The following NBEA variants were observed in gnomAD, a reference collection of about 807,000 sequenced individuals.
NBEA encodes neurobeachin, also known as lysosomal-trafficking regulator 2.
In NBEA, 44 loss-of-function variants were observed where a neutral mutation model predicts 343.4. The ratio of observed to expected loss-of-function variants is 0.13; its 90% CI spans 0.10 to 0.16. The LOEUF (loss-of-function observed/expected upper bound fraction) is 0.16, where lower values mean the gene tolerates loss of function less well. Ranked by LOEUF, NBEA falls within the 10% of genes least tolerant of loss-of-function variation. The pLI is 1.00. For synonymous variants in NBEA, 1,175 were observed against 1,238.7 expected, an observed-to-expected ratio of 0.95 and a Z score of 1.08; for missense variants, 2,555 against 3,631.3, an observed-to-expected ratio of 0.70 and a Z score of 7.62.
intron 41 of NBEA, among the ~76,000 whole-genome samples, chr13:35,530,809 T>C (rs2078226154): frequency 6.6e-6 from 1 of 152,220 alleles, no homozygotes; most frequent in African/African-American, 2.4e-5. Context: ...TAAGAGTTTT[T>C]TTAGTGCCAG....
chr13:35,380,416 G>T (rs1373579108), intron 38 of NBEA, among the ~76,000 whole-genome samples: 2 of 152,052 alleles, frequency 1.3e-5, no homozygotes, highest in Non-Finnish European at 1.5e-5. Context: ...CTGCACTCCA[G>T]CCTGGGCAAG....
chr13:35,289,824 A>G (rs777449097), intron 34 of NBEA, among the ~76,000 whole-genome samples: 3 of 151,824 alleles, frequency 2.0e-5, no homozygotes, highest in African/African-American at 7.2e-5. Flanking sequence ...AGATTGGAGT[A>G]TAACGGTGAA....
chr13:35,230,404 A>T (rs561732814), intron 33 of NBEA, among the ~76,000 whole-genome samples: 1 of 152,264 alleles, frequency 6.6e-6, no homozygotes, highest in South Asian at 2.1e-4. Context: ...AGTACATTAA[A>T]TCCAATAGCT....
rs2069409194 is a variant in NBEA at position 35,159,551 on chromosome 13, G to A, written c.3380G>A (p.Gly1127Asp). 6.2e-7 allele frequency: 1 copy of A among 1,612,442 alleles called. No individual in the cohort carries two copies. Among genetic ancestry groups the A allele is most frequent in the Non-Finnish European group, 8.5e-7 (1 of 1,179,450 alleles). The change falls in exon 22 of 59, where the codon GGT (glycine) becomes GAT (aspartate). Residue 1127 changes from glycine to aspartate, a missense_variant. Gly to Asp is a moderately conservative substitution (Grantham distance 94, BLOSUM62 -1). Around this residue, in one of 21 missense-constraint regions of NBEA, gnomAD observed 367 missense variants for 377.5 expected, o/e 0.97. Transcript: ENST00000379939. ...IIKKNEEKDNGPLITLADEKE... is the reference protein window; with the variant it reads ...IIKKNEEKDNDPLITLADEKE... ...AAAAAAAATGAAGAAAAGGATAATG[G>A]TCCATTGATAACATTAGCAGATGAG...
At chr13:35,583,215 A>G (rs1002340909) in intron 45 of NBEA, among the ~76,000 whole-genome samples, 34 of 152,228 alleles carry the variant, frequency 2.2e-4, no homozygotes, top group African/African-American at 8.2e-4. Context: ...AATTAAGCAC[A>G]TGCTTTTTGA....
intron 38 of NBEA, among the ~76,000 whole-genome samples, chr13:35,413,598 A>G (rs948996240): frequency 1.3e-5 from 2 of 152,126 alleles, no homozygotes; most frequent in South Asian, 2.1e-4. Flanking sequence ...TATTGAGGAA[A>G]CTATGAGTAC....
At chr13:35,322,876 G>A (rs577785313) in intron 36 of NBEA, among the ~76,000 whole-genome samples, 1 of 152,174 alleles carries the variant, frequency 6.6e-6, no homozygotes, top group Admixed American at 6.5e-5. Flanking sequence ...TTGAGACAGG[G>A]TCTCACTCTG....
chr13:35,476,215 G>A (rs1490818132), intron 41 of NBEA: 1 of 1,604,816 alleles, frequency 6.2e-7, no homozygotes, highest in African/African-American at 1.3e-5. Context: ...TAGAGCTGGA[G>A]CCAACTTCGG....
intron 1 of NBEA, among the ~76,000 whole-genome samples, chr13:35,001,437 A>G (rs1206035498): frequency 6.6e-6 from 1 of 152,182 alleles, no homozygotes; most frequent in Non-Finnish European, 1.5e-5. Context: ...CCATCAGCAG[A>G]TGAATGGATA....
At chr13:35,265,980 T>C (rs955179778) in intron 34 of NBEA, among the ~76,000 whole-genome samples, 3 of 151,876 alleles carry the variant, frequency 2.0e-5, no homozygotes, top group African/African-American at 7.2e-5. Context: ...ATCCAAAATA[T>C]ATAAGTAACT....
chr13:35,325,668 A>G (rs890729386), intron 36 of NBEA, among the ~76,000 whole-genome samples: 1 of 152,072 alleles, frequency 6.6e-6, no homozygotes, highest in South Asian at 2.1e-4. Context: ...AAAGGTAATG[A>G]TTCTCCAAAA....
chr13:35,203,290 C>T (rs2073144406), intron 31 of NBEA, among the ~76,000 whole-genome samples: 1 of 152,142 alleles, frequency 6.6e-6, no homozygotes, highest in Non-Finnish European at 1.5e-5. Flanking sequence ...CCAGTATTCT[C>T]TTGTCACACT....
chr13:35,076,517 A>G (rs2064125428), intron 10 of NBEA, among the ~76,000 whole-genome samples: 1 of 152,034 alleles, frequency 6.6e-6, no homozygotes. Flanking sequence ...AGCGACAGCC[A>G]CTTTCAATGC....
chr13:35,155,789 G>A lies in NBEA; in HGVS notation c.2461G>A (p.Val821Ile). ...CATTTTTCAGATCTTGACAGAACAA[G>A]TATGTACTCAGGTCGTACACAAACC... ...NTLYEILTEQ[V>I]CTQVVHKPHP... Residue 821 changes from valine to isoleucine, a missense_variant, in exon 19 of 59, where the codon GTA (valine) becomes ATA (isoleucine). This residue lies in a region of NBEA where 360 missense variants were observed against 519.1 expected (regional missense o/e 0.69). Coordinates refer to ENST00000379939, the MANE Select transcript of NBEA (RefSeq NM_001385012.1). 1.2e-6 allele frequency: 2 copies of A among 1,608,544 alleles called. No individual in the cohort carries two copies. The highest frequency in any genetic ancestry group is 1.7e-6 in the Non-Finnish European group (2 of 1,175,162).
chr13:35,477,013 C>T (rs777808338), intron 41 of NBEA: 3 of 172,766 alleles, frequency 1.7e-5, no homozygotes, highest in Non-Finnish European at 4.1e-5. Flanking sequence ...AATGCAAATA[C>T]AGGTGTATTA....
intron 41 of NBEA, among the ~76,000 whole-genome samples, chr13:35,544,184 C>T (rs149509861): frequency 0.018 from 2,780 of 152,194 alleles, 26 homozygotes; most frequent in South Asian, 0.051. Context: ...GGATTGAACG[C>T]GACAACCTTA....
chr13:35,617,707 C>A (rs527432795), intron 48 of NBEA, among the ~76,000 whole-genome samples: 1 of 152,164 alleles, frequency 6.6e-6, no homozygotes, highest in African/African-American at 2.4e-5. Context: ...TCCTTCATAG[C>A]ACCTTTTTCA....
chr13:35,249,580 T>C (rs1224458643), intron 34 of NBEA, among the ~76,000 whole-genome samples: 2 of 152,098 alleles, frequency 1.3e-5, no homozygotes, highest in Non-Finnish European at 2.9e-5. Flanking sequence ...AAATAATAAA[T>C]GTTGACAAGG....
chr13:35,049,830 A>G (rs924333513), intron 5 of NBEA, among the ~76,000 whole-genome samples: 1 of 151,550 alleles, frequency 6.6e-6, no homozygotes, highest in Admixed American at 6.6e-5. Context: ...CATTTATCAA[A>G]CTTGACTCTG....
Sources: allele counts gnomAD v4.1 joint callset (sites outside exome capture counted in the v4.1 genomes callset), GRCh38; gene constraint gnomAD v4.1.1; regional missense constraint gnomAD v4.1.1; transcripts MANE v1.5; gene names NCBI Gene and HGNC (gene_info 2026-07-23, HGNC 2026-07-21).